The following LCORL variants were observed in gnomAD, a reference collection of about 807,000 sequenced individuals.
LCORL encodes ligand dependent nuclear receptor corepressor like.
Under a neutral mutation model 141.8 loss-of-function variants are expected in LCORL, and 41 were observed. The ratio of observed to expected loss-of-function variants is 0.29; its 90% confidence interval spans 0.23 to 0.38. The LOEUF (loss-of-function observed/expected upper bound fraction) is 0.38. LCORL is among the 10% of genes least tolerant of loss of function. The pLI, the probability that LCORL is intolerant of heterozygous loss-of-function variation, is 1.00. For missense variants in LCORL, 1,759 were observed against 2,035.0 expected, an observed-to-expected ratio of 0.86 and a Z score of 2.61; for synonymous variants, 618 against 694.1, an observed-to-expected ratio of 0.89 and a Z score of 1.72.
chr4:17,842,623 A>G (rs892536658), exon 8 of LCORL: 5 of 388,082 alleles, frequency 1.3e-5, no homozygotes, highest in Admixed American at 8.2e-5. Context: ...TGTTGTTTCA[A>G]TTTTTAATTA....
intron 7 of LCORL, among the ~76,000 whole-genome samples, chr4:17,865,956 T>C (rs1725591756): frequency 6.6e-6 from 1 of 152,240 alleles, no homozygotes. Flanking sequence ...ATATCTTCCC[T>C]GTCCACTTCC....
intron 1 of LCORL, among the ~76,000 whole-genome samples, chr4:17,990,926 CACA>C (rs1199521269): frequency 2.0e-5 from 3 of 151,844 alleles, no homozygotes; most frequent in Non-Finnish European, 4.4e-5. Flanking sequence ...TGTATGGGGG[CACA>C]ACAATGATTT....
chr4:17,957,854 C>T (rs1206573425), intron 4 of LCORL, among the ~76,000 whole-genome samples: 1 of 151,812 alleles, frequency 6.6e-6, no homozygotes, highest in East Asian at 1.9e-4. Context: ...AGTATGACCA[C>T]GATGACATCA....
intron 5 of LCORL, among the ~76,000 whole-genome samples, chr4:17,906,491 A>C (rs1731639291): frequency 6.6e-6 from 1 of 151,742 alleles, no homozygotes; most frequent in Admixed American, 6.6e-5. Flanking sequence ...ATTATCAAGA[A>C]GACTAGTTAT....
rs1727979147 is a variant in LCORL at position 17,884,200 on chromosome 4, A to G, written c.776+1868T>C. 6.5e-7 allele frequency: 1 copy of G among 1,549,788 alleles called. No homozygotes were observed. Among genetic ancestry groups the G allele is most frequent in the Admixed American group, 2.0e-5 (1 of 50,644 alleles). On this transcript the variant is annotated intron_variant, in intron 6 of 7. Coordinates refer to ENST00000635767, the Ensembl canonical transcript of LCORL. This position sits in a 1 kb window ranked among gnomAD's most constrained non-coding sequence, Gnocchi z 4.4. ...GGAGAGCTGATCCTTCTAGGACTGA[A>G]GAGGTTTTGGAAACTTGATACATAA... is the stretch of plus-strand genomic sequence containing the variant.
chr4:17,925,822 G>C (rs1489615278), intron 4 of LCORL, among the ~76,000 whole-genome samples: 1 of 139,626 alleles, frequency 7.2e-6, no homozygotes, highest in Non-Finnish European at 1.5e-5. Context: ...AGTGAGCTGA[G>C]ATTGCGCCAC....
At chr4:17,918,416 C>G (rs1369366711) in intron 4 of LCORL, among the ~76,000 whole-genome samples, 1 of 151,848 alleles carries the variant, frequency 6.6e-6, no homozygotes, top group Non-Finnish European at 1.5e-5. Context: ...AACTTTAAAT[C>G]AGACATTTAA....
intron 4 of LCORL, chr4:17,912,075 G>A (rs1156625242): frequency 4.2e-6 from 3 of 716,080 alleles, no homozygotes; most frequent in Non-Finnish European, 7.8e-6. Flanking sequence ...TCAGAGACTG[G>A]AGCCATTACT....
At chr4:17,945,414 T>TC (rs1460907392) in intron 4 of LCORL, among the ~76,000 whole-genome samples, 3 of 151,758 alleles carry the variant, frequency 2.0e-5, no homozygotes, top group African/African-American at 7.3e-5. Flanking sequence ...AATTGGGGTT[T>TC]TTTTTTTTAC....
chr4:17,945,943 A>C (rs779741546), intron 4 of LCORL, among the ~76,000 whole-genome samples: 2 of 152,028 alleles, frequency 1.3e-5, no homozygotes, highest in Non-Finnish European at 2.9e-5. Flanking sequence ...TTAGAAACTT[A>C]ATGAGACAAA....
At position 17,979,992 on chromosome 4, in the gene LCORL, T is replaced by C. The variant is rs539278108; in HGVS notation, c.155-7107A>G. 9.2e-5 allele frequency among the ~76,000 whole-genome samples: 14 copies of C among 152,298 alleles called. No individual in the cohort carries two copies. In the East Asian group the frequency reaches 2.5e-3, roughly 27 times the overall value. On this transcript the variant is annotated intron_variant, in intron 1 of 7. Transcript: ENST00000635767. ...TAAAAGAAGACCTCATGCCATGGAA[T>C]GCCAGCAGCCTGTAAAAGCTGGGAA...
At chr4:17,929,266 A>C in intron 4 of LCORL, among the ~76,000 whole-genome samples, 1 of 152,186 alleles carries the variant, frequency 6.6e-6, no homozygotes, top group East Asian at 1.9e-4. Context: ...AGTTTTATAG[A>C]AACTGGCAAG....
intron 5 of LCORL, among the ~76,000 whole-genome samples, chr4:17,908,249 C>G (rs369180110): frequency 3.2e-4 from 49 of 152,266 alleles, no homozygotes; most frequent in East Asian, 9.7e-4. Flanking sequence ...TCAGGCTGGT[C>G]TTGAATTCCT....
intron 5 of LCORL, among the ~76,000 whole-genome samples, chr4:17,898,688 T>C (rs1245853265): frequency 6.7e-6 from 1 of 149,204 alleles, no homozygotes; most frequent in Admixed American, 6.8e-5. Context: ...TGCCTTCCAT[T>C]GTGTGGATAT....
chr4:17,936,914 C>A (rs1736957488), intron 4 of LCORL, among the ~76,000 whole-genome samples: 2 of 152,118 alleles, frequency 1.3e-5, no homozygotes, highest in African/African-American at 4.8e-5. Context: ...GTAACATGTA[C>A]AATAAAGTTG....
At chr4:17,849,812 C>T (rs567941023) in intron 7 of LCORL, among the ~76,000 whole-genome samples, 41 of 152,088 alleles carry the variant, frequency 2.7e-4, no homozygotes, top group African/African-American at 9.7e-4. Flanking sequence ...AAAAAGAGCC[C>T]ACATCGCCAA....
intron 7 of LCORL, among the ~76,000 whole-genome samples, chr4:17,864,167 A>G (rs767676827): frequency 1.3e-5 from 2 of 152,318 alleles, no homozygotes; most frequent in South Asian, 2.1e-4. Flanking sequence ...ATGAAGTACT[A>G]TATTATTATT....
At chr4:17,910,419 C>G (rs1052551314) in intron 4 of LCORL, among the ~76,000 whole-genome samples, 7 of 152,100 alleles carry the variant, frequency 4.6e-5, no homozygotes, top group African/African-American at 1.7e-4. Flanking sequence ...TAGAAACGGG[C>G]CTACTTGTAG....
intron 4 of LCORL, chr4:17,911,978 A>G: frequency 1.6e-6 from 1 of 623,300 alleles, no homozygotes; most frequent in Non-Finnish European, 3.0e-6. Flanking sequence ...TTGGCCTCCT[A>G]CCTGGACAGA....
Sources: allele counts gnomAD v4.1 joint callset (sites outside exome capture counted in the v4.1 genomes callset), GRCh38; gene constraint gnomAD v4.1.1; non-coding constraint Gnocchi (gnomAD v3.1); transcripts MANE v1.5; gene names NCBI Gene and HGNC (gene_info 2026-07-23, HGNC 2026-07-21).